The following RNF150 variants were observed in gnomAD, a reference collection of about 807,000 sequenced individuals.
The protein encoded by RNF150 is ring finger protein 150.
RNF150 carries 24 observed loss-of-function variants against 39.3 expected under a neutral mutation model. That is an observed-to-expected ratio of 0.61 (90% CI 0.44 to 0.86). The LOEUF (loss-of-function observed/expected upper bound fraction) is 0.86, where lower values mean the gene tolerates loss of function less well. RNF150 is among the 40% of genes least tolerant of loss of function. The pLI, the probability that RNF150 is intolerant of heterozygous loss-of-function variation, is 0.00. For synonymous variants in RNF150, 255 were observed against 227.3 expected (o/e 1.12, Z -1.10); for missense variants, 502 against 587.8 (o/e 0.85, Z 1.51).
chr4:141,035,907 G>C (rs1003752531), intron 1 of RNF150, among the ~76,000 whole-genome samples: 32 of 152,018 alleles, frequency 2.1e-4, no homozygotes, highest in Admixed American at 1.2e-3. Context: ...GAAATAACAC[G>C]ACATAACATG....
chr4:141,069,544 G>A (rs1325458666), intron 1 of RNF150, among the ~76,000 whole-genome samples: 7 of 147,856 alleles, frequency 4.7e-5, no homozygotes, highest in South Asian at 2.2e-4. Context: ...GTCTCTGCCC[G>A]GCTTTGCTAT....
chr4:141,097,466 A>G (rs1738837065), intron 1 of RNF150, among the ~76,000 whole-genome samples: 1 of 152,202 alleles, frequency 6.6e-6, no homozygotes, highest in African/African-American at 2.4e-5. Flanking sequence ...ATACTAAGTA[A>G]TAAGATAGCC....
In RNF150 at chr4:141,068,712, G is replaced by C. The variant is rs1486772864; in HGVS notation, c.484+63613C>G. On this transcript the variant is annotated intron_variant, in intron 1 of 6. Coordinates refer to ENST00000515673, the MANE Select transcript of RNF150 (RefSeq NM_020724.2). ...ATGAGCATGGAATGTTCTTCCATTTGTTTTTATCCTCTTTTGTTTCCTTGA... is the reference window on the plus strand; with the variant it reads ...ATGAGCATGGAATGTTCTTCCATTTCTTTTTATCCTCTTTTGTTTCCTTGA... 2.1e-5 allele frequency among the ~76,000 whole-genome samples: 3 copies of C among 145,760 alleles called. No individual in the cohort carries two copies. In the South Asian group the frequency reaches 6.8e-4, roughly 33 times the overall value.
intron 1 of RNF150, among the ~76,000 whole-genome samples, chr4:140,968,658 C>T (rs1264329196): frequency 6.6e-6 from 1 of 151,688 alleles, no homozygotes; most frequent in Non-Finnish European, 1.5e-5. Context: ...GATACTCCCA[C>T]CACGGCTGCT....
chr4:141,167,778 A>G (rs1031579670), intron 1 of RNF150, among the ~76,000 whole-genome samples: 12 of 152,192 alleles, frequency 7.9e-5, no homozygotes, highest in Admixed American at 7.9e-4. Flanking sequence ...TTTACACCTT[A>G]TACAAAAATT....
chr4:140,935,068 A>AAT (rs1233619969), intron 4 of RNF150, among the ~76,000 whole-genome samples: 1,790 of 121,008 alleles, frequency 0.015, 62 homozygotes, highest in African/African-American at 0.059. Flanking sequence ...ATATATATAT[A>AAT]ATATATATAT....
chr4:140,894,362 T>C (rs1370058085), intron 6 of RNF150, among the ~76,000 whole-genome samples: 1 of 152,208 alleles, frequency 6.6e-6, no homozygotes, highest in African/African-American at 2.4e-5. Flanking sequence ...TATGATGTTT[T>C]CTCTCCCTAG....
chr4:141,206,930 C>T (rs1728384596), intron 1 of RNF150, among the ~76,000 whole-genome samples: 1 of 151,744 alleles, frequency 6.6e-6, no homozygotes, highest in Admixed American at 6.6e-5. Flanking sequence ...TGGTGCAAGT[C>T]CCAAAGGTGG....
intron 1 of RNF150, among the ~76,000 whole-genome samples, chr4:141,012,409 C>T (rs1735105555): frequency 6.6e-6 from 1 of 152,220 alleles, no homozygotes; most frequent in Non-Finnish European, 1.5e-5. Context: ...TGTACTATTA[C>T]AATATGGTGT....
chr4:140,878,916 G>A (rs1352217489), intron 6 of RNF150, among the ~76,000 whole-genome samples: 1 of 152,170 alleles, frequency 6.6e-6, no homozygotes, highest in Non-Finnish European at 1.5e-5. Context: ...TTCAGTTTGA[G>A]TGATTTTTTT....
chr4:140,982,446 T>C (rs1371156159), intron 1 of RNF150, among the ~76,000 whole-genome samples: 1 of 152,054 alleles, frequency 6.6e-6, no homozygotes, highest in Non-Finnish European at 1.5e-5. Context: ...TTCAAGAAAG[T>C]GTTTTTATAT....
At chr4:141,055,867 G>T (rs914314328) in intron 1 of RNF150, among the ~76,000 whole-genome samples, 5 of 152,170 alleles carry the variant, frequency 3.3e-5, no homozygotes, top group African/African-American at 9.6e-5. Context: ...AATGATGAAA[G>T]AATTCACACT....
intron 1 of RNF150, among the ~76,000 whole-genome samples, chr4:141,100,324 A>G (rs1023253047): frequency 6.6e-6 from 1 of 152,206 alleles, no homozygotes; most frequent in African/African-American, 2.4e-5. Context: ...GTCTCAGAAG[A>G]ACAGGTAAGG....
At chr4:140,946,429 C>T (rs7691812) in intron 4 of RNF150, among the ~76,000 whole-genome samples, 7,862 of 152,164 alleles carry the variant, frequency 0.052, 380 homozygotes, top group African/African-American at 0.13. Flanking sequence ...AATTGTCTTA[C>T]ATCTTTGTGG....
intron 4 of RNF150, among the ~76,000 whole-genome samples, chr4:140,943,689 T>C (rs1202372053): frequency 1.3e-5 from 2 of 152,212 alleles, no homozygotes; most frequent in Non-Finnish European, 2.9e-5. Context: ...CCATTTGTCT[T>C]CTCATCGCTG....
intron 1 of RNF150, among the ~76,000 whole-genome samples, chr4:141,026,847 G>A (rs1339223802): frequency 6.6e-6 from 1 of 152,186 alleles, no homozygotes; most frequent in Non-Finnish European, 1.5e-5. Flanking sequence ...TCAGACCAGA[G>A]GCTTGTCTTT....
chr4:141,149,468 T>A (rs1161666653), intron 1 of RNF150, among the ~76,000 whole-genome samples: 1 of 152,228 alleles, frequency 6.6e-6, no homozygotes, highest in Non-Finnish European at 1.5e-5. Context: ...CTCCCACTTA[T>A]GAGTGAGAAC....
intron 1 of RNF150, among the ~76,000 whole-genome samples, chr4:141,045,208 A>G (rs905190960): frequency 2.0e-5 from 3 of 152,226 alleles, no homozygotes. Context: ...GAATGCCAAC[A>G]ACTTTAAATC....
intron 1 of RNF150, among the ~76,000 whole-genome samples, chr4:141,142,494 C>G (rs1727133950): frequency 6.6e-6 from 1 of 152,190 alleles, no homozygotes; most frequent in Non-Finnish European, 1.5e-5. Context: ...CATTCCTCCT[C>G]CCTTTTTATA....
Sources: gnomAD v4.1 joint callset for allele counts (sites outside exome capture counted in the v4.1 genomes callset) on GRCh38, gnomAD v4.1.1 for gene constraint, MANE v1.5 for transcripts, NCBI Gene and HGNC (gene_info 2026-07-23, HGNC 2026-07-21) for gene names.